ZNF385D: variants seen among roughly 807,000 people sequenced by gnomAD.
ZNF385D encodes the protein zinc finger protein 659.
Under a neutral mutation model 35.8 loss-of-function variants are expected in ZNF385D, and 15 were observed. The ratio of observed to expected loss-of-function variants is 0.42; its 90% CI spans 0.28 to 0.64. The LOEUF (loss-of-function observed/expected upper bound fraction) is 0.64, where lower values mean the gene tolerates loss of function less well. Ranked by LOEUF, ZNF385D falls within the 30% of genes least tolerant of loss-of-function variation. The probability of loss-of-function intolerance (pLI) is 0.23; values close to 1 mark genes in which losing one functional copy is unlikely to be tolerated. For synonymous variants in ZNF385D, 212 were observed against 186.8 expected, an observed-to-expected ratio of 1.13 and a Z score of -1.10; for missense variants, 474 against 494.6, an observed-to-expected ratio of 0.96 and a Z score of 0.39.
Position 21,958,542 on chromosome 3 carries a change from G to C in ZNF385D, c.325+210275C>G, listed in dbSNP as rs550870657. ...TATTTTGTTGATATCACTCTTATTTGTAACTGACAAGAAGCTATATATCTA... is the reference window on the plus strand; with the variant it reads ...TATTTTGTTGATATCACTCTTATTTCTAACTGACAAGAAGCTATATATCTA... On this transcript the variant is annotated intron_variant, in intron 3 of 5. Coordinates refer to the ZNF385D transcript ENST00000494108. 6.6e-5 allele frequency among the ~76,000 whole-genome samples: 10 copies of C among 152,086 alleles called. No homozygotes were observed. The East Asian group carries it at 1.9e-3, about 29-fold the overall frequency.
At chr3:21,485,205 C>T (rs1268821537) in intron 4 of ZNF385D, among the ~76,000 whole-genome samples, 5 of 152,114 alleles carry the variant, frequency 3.3e-5, no homozygotes, top group South Asian at 2.1e-4. Context: ...TTCACATGTA[C>T]GTGTTTCTGA....
chr3:21,615,747 CCTAT>C (rs1293622191), intron 2 of ZNF385D, among the ~76,000 whole-genome samples: 13 of 149,246 alleles, frequency 8.7e-5, no homozygotes, highest in African/African-American at 3.2e-4. Context: ...TAAGGCCTCC[CCTAT>C]CTAATTTCTG....
intron 2 of ZNF385D, among the ~76,000 whole-genome samples, chr3:21,634,356 GAAA>G (rs200704715): frequency 8.1e-5 from 12 of 148,118 alleles, no homozygotes; most frequent in South Asian, 4.3e-4. Flanking sequence ...AGAAAGAAAA[GAAA>G]AAAAGAAAGG....
At chr3:22,125,563 T>G (rs9862940) in intron 3 of ZNF385D, among the ~76,000 whole-genome samples, 3,263 of 152,232 alleles carry the variant, frequency 0.021, 118 homozygotes, top group African/African-American at 0.075. Flanking sequence ...TCCATAAACA[T>G]AGATTATCTT....
At chr3:22,094,257 G>C (rs1338060820) in intron 3 of ZNF385D, among the ~76,000 whole-genome samples, 1 of 150,008 alleles carries the variant, frequency 6.7e-6, no homozygotes, top group African/African-American at 2.5e-5. Context: ...ATGGCTATGT[G>C]AGTTCCTCAA....
chr3:21,565,359 T>C (rs1202762651), intron 2 of ZNF385D, among the ~76,000 whole-genome samples: 1 of 152,094 alleles, frequency 6.6e-6, no homozygotes, highest in East Asian at 1.9e-4. Flanking sequence ...AAACATAATG[T>C]CAGCAATCCA....
intron 3 of ZNF385D, among the ~76,000 whole-genome samples, chr3:21,850,389 G>A (rs1316561556): frequency 6.6e-6 from 1 of 152,086 alleles, no homozygotes; most frequent in Non-Finnish European, 1.5e-5. Flanking sequence ...CAGAAGATGG[G>A]ATAGTGAAGG....
chr3:21,498,486 A>C (rs1052139998), intron 4 of ZNF385D, among the ~76,000 whole-genome samples: 47 of 152,200 alleles, frequency 3.1e-4, no homozygotes, highest in Admixed American at 2.6e-4. Context: ...GCTATCTAGA[A>C]TCTATAAGGA....
intron 2 of ZNF385D, among the ~76,000 whole-genome samples, chr3:22,301,719 T>C (rs996775351): frequency 4.6e-5 from 7 of 152,052 alleles, no homozygotes; most frequent in Admixed American, 2.6e-4. Flanking sequence ...CTTACCCTTG[T>C]GTCTGCAGGA....
At chr3:22,182,099 T>G (rs1695319971) in intron 2 of ZNF385D, among the ~76,000 whole-genome samples, 1 of 152,082 alleles carries the variant, frequency 6.6e-6, no homozygotes, top group Admixed American at 6.6e-5. Context: ...AGGCAATGTG[T>G]GGACTACTGC....
chr3:21,966,968 TTG>T (rs907275087), intron 3 of ZNF385D, among the ~76,000 whole-genome samples: 4 of 152,202 alleles, frequency 2.6e-5, no homozygotes, highest in Non-Finnish European at 4.4e-5. Context: ...TTTATGAGTT[TTG>T]TGTGTGTTAC....
chr3:21,969,088 C>T lies in ZNF385D; in HGVS notation c.325+199729G>A, dbSNP rs114147521. Among the ~76,000 whole-genome samples the T allele has an allele frequency of 5.6e-3, 850 of 152,206 alleles. 6 individuals carry two copies. The highest frequency in any genetic ancestry group is 7.3e-3 in the Non-Finnish European group (497 of 68,016). ...TAATAACAGCCAGCAGTAATCTCCA[C>T]GGACCTGTGGTAGTGGTGGTCATAG... is the stretch of plus-strand genomic sequence containing the variant. On this transcript the variant is annotated intron_variant, in intron 3 of 5. Coordinates refer to the ZNF385D transcript ENST00000494108.
chr3:21,972,708 G>A (rs1417969559), intron 3 of ZNF385D, among the ~76,000 whole-genome samples: 1 of 150,088 alleles, frequency 6.7e-6, no homozygotes, highest in Non-Finnish European at 1.5e-5. Context: ...AAACAAAAAA[G>A]ACCTAAATAA....
At chr3:21,776,401 C>A (rs923050440) in intron 3 of ZNF385D, among the ~76,000 whole-genome samples, 2 of 151,890 alleles carry the variant, frequency 1.3e-5, no homozygotes, top group Non-Finnish European at 2.9e-5. Context: ...CCGTGTGTGA[C>A]GGCTCAGTTT....
chr3:21,596,514 G>A (rs1172937138), intron 2 of ZNF385D, among the ~76,000 whole-genome samples: 1 of 151,770 alleles, frequency 6.6e-6, no homozygotes, highest in African/African-American at 2.4e-5. Flanking sequence ...GGTGCAAGTA[G>A]TTTTATTTAT....
chr3:21,753,533 C>T (rs981697830), upstream of ZNF385D, among the ~76,000 whole-genome samples: 4 of 152,088 alleles, frequency 2.6e-5, no homozygotes, highest in African/African-American at 9.7e-5. Context: ...AGTGTAATAT[C>T]TATACAATGT....
intron 3 of ZNF385D, among the ~76,000 whole-genome samples, chr3:21,774,393 A>G (rs1428317975): frequency 6.6e-6 from 1 of 151,898 alleles, no homozygotes; most frequent in Non-Finnish European, 1.5e-5. Context: ...CCTATGTAAC[A>G]AACATGCACA....
At chr3:22,324,528 A>G (rs1419176783) in intron 2 of ZNF385D, among the ~76,000 whole-genome samples, 1 of 152,180 alleles carries the variant, frequency 6.6e-6, no homozygotes, top group African/African-American at 2.4e-5. Context: ...ATAAAAATTT[A>G]CTAATCTAAG....
chr3:22,358,814 A>T (rs948782426), intron 2 of ZNF385D, among the ~76,000 whole-genome samples: 1 of 151,816 alleles, frequency 6.6e-6, no homozygotes, highest in African/African-American at 2.4e-5. Flanking sequence ...GCTACCAGGG[A>T]TTACAATGAC....
Sources: allele counts gnomAD v4.1 joint callset (sites outside exome capture counted in the v4.1 genomes callset), GRCh38; gene constraint gnomAD v4.1.1; transcripts MANE v1.5; gene names NCBI Gene and HGNC (gene_info 2026-07-23, HGNC 2026-07-21).